The following PPP3CA variants were observed in gnomAD, a reference collection of about 807,000 sequenced individuals.
The protein encoded by PPP3CA is protein phosphatase 3 catalytic subunit alpha, also known as CAM-PRP catalytic subunit.
In PPP3CA, 14 loss-of-function variants were observed where a neutral mutation model predicts 66.5. That is an observed-to-expected ratio of 0.21 (90% CI 0.14 to 0.33). The LOEUF is 0.33. Among genes scored for constraint, PPP3CA ranks in the 10% least tolerant of loss-of-function variants. The probability of loss-of-function intolerance (pLI) is 1.00; values close to 1 mark genes in which losing one functional copy is unlikely to be tolerated. For missense variants in PPP3CA, 317 were observed against 639.5 expected (o/e 0.50, Z 5.44); for synonymous variants, 232 against 226.2 (o/e 1.03, Z -0.23).
intron 1 of PPP3CA, among the ~76,000 whole-genome samples, chr4:101,297,733 G>A (rs1042562132): frequency 6.6e-6 from 1 of 152,174 alleles, no homozygotes; most frequent in Admixed American, 6.5e-5. Context: ...TCTGGATAAT[G>A]AAGATCCCCT....
rs77590312 is a variant in PPP3CA, at chr4:101,135,771, A to G, written c.260-26693T>C. ...ACCCACACTAGAAACATTTAAGCAA[A>G]GTGTGAAACACCAAGTCGTTATTTT... On this transcript the variant is annotated intron_variant, in intron 2 of 13. Transcript: ENST00000394854. 2.7e-3 allele frequency among the ~76,000 whole-genome samples: 418 copies of G among 152,356 alleles called. 1 individual carries two copies. The highest frequency in any genetic ancestry group is 9.7e-3 in the African/African-American group (405 of 41,590).
At chr4:101,106,393 G>GA (rs1292932719) in intron 3 of PPP3CA, among the ~76,000 whole-genome samples, 276 of 5,258 alleles carry the variant, frequency 0.052, 25 homozygotes, top group Middle Eastern at 0.12. Context: ...AAGAAAGAAA[G>GA]AAAGAAAGAA....
intron 2 of PPP3CA, among the ~76,000 whole-genome samples, chr4:101,125,206 T>C (rs1334995832): frequency 6.6e-6 from 1 of 152,210 alleles, no homozygotes; most frequent in Non-Finnish European, 1.5e-5. Flanking sequence ...ACTAAACATA[T>C]CTTTCCCTCA....
chr4:101,285,221 A>G (rs1428532290), intron 1 of PPP3CA, among the ~76,000 whole-genome samples: 4 of 152,190 alleles, frequency 2.6e-5, no homozygotes, highest in Non-Finnish European at 5.9e-5. Flanking sequence ...ATGCAATATT[A>G]ATTTTGACAT....
chr4:101,102,358 G>A (rs906771996), intron 3 of PPP3CA, among the ~76,000 whole-genome samples: 4 of 151,656 alleles, frequency 2.6e-5, no homozygotes, highest in African/African-American at 9.7e-5. Flanking sequence ...CAGAGAGAGA[G>A]AGAGAATATA....
At chr4:101,140,105 A>T (rs1722756939) in intron 2 of PPP3CA, among the ~76,000 whole-genome samples, 1 of 152,206 alleles carries the variant, frequency 6.6e-6, no homozygotes, top group Non-Finnish European at 1.5e-5. Flanking sequence ...AAAATTCTCT[A>T]AACTATTAAT....
At chr4:101,236,544 T>C (rs1726137460) in intron 1 of PPP3CA, among the ~76,000 whole-genome samples, 1 of 151,958 alleles carries the variant, frequency 6.6e-6, no homozygotes, top group Non-Finnish European at 1.5e-5. Flanking sequence ...CTCTCTATGC[T>C]GTGTGGACAA....
intron 8 of PPP3CA, among the ~76,000 whole-genome samples, chr4:101,078,535 T>A (rs1042733592): frequency 6.6e-6 from 1 of 152,240 alleles, no homozygotes; most frequent in African/African-American, 2.4e-5. Flanking sequence ...TTGTTTACAC[T>A]TAATCATCTT....
intron 1 of PPP3CA, among the ~76,000 whole-genome samples, chr4:101,324,887 A>G (rs977007306): frequency 3.3e-5 from 5 of 152,216 alleles, no homozygotes; most frequent in Admixed American, 3.3e-4. Context: ...ATCATTTTCA[A>G]TATATGATTT....
At chr4:101,079,833 T>A (rs1441480884) in intron 8 of PPP3CA, among the ~76,000 whole-genome samples, 3 of 152,206 alleles carry the variant, frequency 2.0e-5, no homozygotes, top group Admixed American at 6.5e-5. Context: ...TAGTAAGTAA[T>A]AATGCCCTCT....
chr4:101,320,161 G>T (rs557318364), intron 1 of PPP3CA, among the ~76,000 whole-genome samples: 1 of 151,568 alleles, frequency 6.6e-6, no homozygotes, highest in South Asian at 2.1e-4. Context: ...GCGTGTACAT[G>T]TACTCACACA....
intron 2 of PPP3CA, among the ~76,000 whole-genome samples, chr4:101,111,796 G>GT (rs1560608014): frequency 6.6e-6 from 1 of 152,060 alleles, no homozygotes; most frequent in African/African-American, 2.4e-5. Flanking sequence ...TGTTAATATC[G>GT]TAACAAGCTT....
chr4:101,083,780 C>T (rs1045816594), intron 6 of PPP3CA, among the ~76,000 whole-genome samples: 1 of 152,090 alleles, frequency 6.6e-6, no homozygotes, highest in African/African-American at 2.4e-5. Context: ...AAGACTCCTC[C>T]CATACGGTGG....
chr4:101,281,202 A>T (rs1727672513), intron 1 of PPP3CA, among the ~76,000 whole-genome samples: 1 of 152,238 alleles, frequency 6.6e-6, no homozygotes, highest in Non-Finnish European at 1.5e-5. Context: ...AGCTTTGGAG[A>T]GGGTTCAAGG....
chr4:101,048,184 C>T (rs531880727), intron 10 of PPP3CA, among the ~76,000 whole-genome samples: 6 of 152,112 alleles, frequency 3.9e-5, no homozygotes, highest in South Asian at 4.1e-4. Flanking sequence ...AAAGAGGAGG[C>T]GGGAAAGGAG....
intron 11 of PPP3CA, among the ~76,000 whole-genome samples, chr4:101,036,098 A>C (rs1727234384): frequency 6.6e-6 from 1 of 152,226 alleles, no homozygotes; most frequent in Non-Finnish European, 1.5e-5. Context: ...TACAAATATA[A>C]GAATAGAAAA....
chr4:101,277,039 T>A (rs1274690447), intron 1 of PPP3CA, among the ~76,000 whole-genome samples: 1 of 151,946 alleles, frequency 6.6e-6, no homozygotes, highest in Non-Finnish European at 1.5e-5. Context: ...AAGTCCCCTG[T>A]GCTCCACCTA....
intron 11 of PPP3CA, among the ~76,000 whole-genome samples, chr4:101,033,507 A>G (rs1344950050): frequency 6.6e-6 from 1 of 152,048 alleles, no homozygotes; most frequent in Non-Finnish European, 1.5e-5. Context: ...TCACTCTTTA[A>G]CTCTTTTCAT....
intron 2 of PPP3CA, among the ~76,000 whole-genome samples, chr4:101,144,339 A>G (rs1480395249): frequency 6.6e-6 from 1 of 152,026 alleles, no homozygotes; most frequent in African/African-American, 2.4e-5. Context: ...TCCTTGACAA[A>G]CTCTCCAATC....
Sources: gnomAD v4.1 joint callset for allele counts (sites outside exome capture counted in the v4.1 genomes callset) on GRCh38, gnomAD v4.1.1 for gene constraint, MANE v1.5 for transcripts, NCBI Gene and HGNC (gene_info 2026-07-23, HGNC 2026-07-21) for gene names.